POLK: variants seen among roughly 807,000 people sequenced by gnomAD.
The protein encoded by POLK is polymerase (DNA directed) kappa.
Under a neutral mutation model 94.0 loss-of-function variants are expected in POLK, and 76 were observed. The ratio of observed to expected loss-of-function variants is 0.81; its 90% CI spans 0.67 to 0.98. The LOEUF (loss-of-function observed/expected upper bound fraction) is 0.98. Among genes scored for constraint, POLK ranks in the 50% least tolerant of loss-of-function variants. POLK has a pLI of 0.00. For missense variants in POLK, 954 were observed against 1,010.1 expected (o/e 0.94, Z 0.75); for synonymous variants, 349 against 325.4 (o/e 1.07, Z -0.78).
At chr5:75,584,718 C>A in intron 8 of POLK, 42 bp from the exon 9 acceptor site, 1 of 1,147,384 alleles carries the variant, frequency 8.7e-7, no homozygotes, top group Non-Finnish European at 1.2e-6. Flanking sequence ...TTTTTAGCTT[C>A]ACTTTAAAAT....
chr5:75,521,786 G>A (rs1177481650), intron 1 of POLK, among the ~76,000 whole-genome samples: 1 of 151,418 alleles, frequency 6.6e-6, no homozygotes, highest in East Asian at 1.9e-4. Context: ...TTTTCTGCTA[G>A]GTCACTCTGC....
chr5:75,545,825 T>C (rs974855861), intron 1 of POLK, among the ~76,000 whole-genome samples: 2 of 152,214 alleles, frequency 1.3e-5, no homozygotes, highest in Non-Finnish European at 2.9e-5. Context: ...ATGCCTGGGT[T>C]CCAACACATG....
chr5:75,532,858 ATGTT>A (rs1769249449), intron 1 of POLK, among the ~76,000 whole-genome samples: 1 of 152,078 alleles, frequency 6.6e-6, no homozygotes, highest in Non-Finnish European at 1.5e-5. Flanking sequence ...ATTTTTTCAT[ATGTT>A]TGTTAGCCAC....
At chr5:75,604,550 AT>A (rs1178798402), downstream of POLK, among the ~76,000 whole-genome samples, 5 of 152,024 alleles carry the variant, frequency 3.3e-5, no homozygotes, top group Non-Finnish European at 7.4e-5. Flanking sequence ...AAGTTTTTGT[AT>A]TTTTTTGTTG....
chr5:75,584,696 T>C, intron 8 of POLK, 64 bp from the exon 9 acceptor site: 2 of 942,470 alleles, frequency 2.1e-6, no homozygotes, highest in East Asian at 5.6e-5. Flanking sequence ...TGTAATGAGG[T>C]TGTAATCTCA....
upstream of POLK, chr5:75,511,221 C>T (rs200651209): frequency 2.5e-6 from 4 of 1,612,306 alleles, no homozygotes; most frequent in Non-Finnish European, 2.5e-6. Flanking sequence ...GGCTCGACAA[C>T]CGAGCAGGAG....
chr5:75,562,743 T>G (rs958401815), intron 3 of POLK, among the ~76,000 whole-genome samples: 1 of 152,174 alleles, frequency 6.6e-6, no homozygotes, highest in Admixed American at 6.6e-5. Flanking sequence ...TTATCCAAGG[T>G]CTTTTCTGCA....
Position 75,600,695 on chromosome 5 carries a change from T to C in POLK, c.*2677T>C, listed in dbSNP as rs141439897. 6.0e-4 allele frequency: 92 copies of C among 152,290 alleles called. 1 individual carries two copies. Among genetic ancestry groups the C allele is most frequent in the African/African-American group, 2.1e-3 (89 of 41,536 alleles). 9.4% of individuals were successfully genotyped at this position (152,290 alleles called of 1,614,324 possible). ...TTAAATTGTACCATGGCATTTATAT[T>C]GAAACAGTAGAATTCTACACAGTGG... On this transcript the variant is annotated 3_prime_UTR_variant, in exon 15 of 15. Transcript: ENST00000241436.
chr5:75,598,100 T>G (rs578151741), exon 15 of POLK: 4 of 602,070 alleles, frequency 6.6e-6, no homozygotes, highest in Non-Finnish European at 1.1e-5. Context: ...ATTTTAAGTT[T>G]GCAGATTTAT....
At chr5:75,552,446 A>G (rs1357386734) in intron 2 of POLK, 26 bp from the exon 3 acceptor site, 9 of 1,600,298 alleles carry the variant, frequency 5.6e-6, no homozygotes, top group Admixed American at 1.8e-5. Context: ...CATTTTTCTT[A>G]TGCTTTGTTT....
intron 5 of POLK, 88 bp downstream of exon 5, chr5:75,573,957 A>G (rs1372456426): frequency 2.8e-5 from 38 of 1,365,622 alleles, no homozygotes; most frequent in Non-Finnish European, 3.7e-5. Context: ...AGCACGTAGG[A>G]TTTGGTCTTA....
the POLK span, chr5:75,609,601 A>G: frequency 6.6e-6 from 1 of 152,166 alleles, no homozygotes; most frequent in East Asian, 1.9e-4. Flanking sequence ...ATATACATAT[A>G]ATTTGGTGCC....
At chr5:75,558,232 GTTGT>G (rs1770743494) in intron 3 of POLK, among the ~76,000 whole-genome samples, 1 of 147,148 alleles carries the variant, frequency 6.8e-6, no homozygotes, top group African/African-American at 2.5e-5. Context: ...AATTTTTGTT[GTTGT>G]TTTTTTTTTT....
At chr5:75,597,408 A>C (rs1487053092) in intron 13 of POLK, 1 of 479,288 alleles carries the variant, frequency 2.1e-6, no homozygotes, top group African/African-American at 1.9e-5. Context: ...GAATGAACTC[A>C]AAGGTTTAAG....
downstream of POLK, among the ~76,000 whole-genome samples, chr5:75,602,011 C>T (rs1456132003): frequency 6.6e-6 from 1 of 152,204 alleles, no homozygotes; most frequent in Non-Finnish European, 1.5e-5. Context: ...TTATATTAGG[C>T]TTTGTTATTT....
chr5:75,524,055 G>A (rs1340687923), intron 1 of POLK, among the ~76,000 whole-genome samples: 3 of 151,858 alleles, frequency 2.0e-5, no homozygotes, highest in African/African-American at 4.8e-5. Flanking sequence ...ACTTGAAACC[G>A]GGAGGCAGAG....
intron 4 of POLK, 97 bp from the exon 5 acceptor site, chr5:75,573,641 T>G: frequency 9.8e-7 from 1 of 1,022,974 alleles, no homozygotes; most frequent in Admixed American, 2.1e-5. Flanking sequence ...GTCCTTGAAT[T>G]GAAAATGCAC....
intron 1 of POLK, among the ~76,000 whole-genome samples, chr5:75,529,967 A>T (rs970568738): frequency 6.6e-6 from 1 of 152,204 alleles, no homozygotes; most frequent in Non-Finnish European, 1.5e-5. Flanking sequence ...AATTCACATG[A>T]AATGGCTAAC....
chr5:75,572,053 T>A (rs2112775127), intron 4 of POLK, among the ~76,000 whole-genome samples: 1 of 152,346 alleles, frequency 6.6e-6, no homozygotes, highest in Non-Finnish European at 1.5e-5. Context: ...ATTCATATTA[T>A]TCTGAAATAA....
Sources: allele counts gnomAD v4.1 joint callset (sites outside exome capture counted in the v4.1 genomes callset), GRCh38; gene constraint gnomAD v4.1.1; transcripts MANE v1.5; gene names NCBI Gene and HGNC (gene_info 2026-07-23, HGNC 2026-07-21).